The following SIGLEC5 variants were observed in gnomAD, a reference collection of about 807,000 sequenced individuals.
SIGLEC5 encodes the protein sialic acid-binding Ig-like lectin 5.
A neutral mutation model predicts 45.9 loss-of-function variants in SIGLEC5; 34 were observed. The observed-to-expected ratio is 0.74, with a 90% CI of 0.56 to 0.99. SIGLEC5 has a LOEUF of 0.99. Ranked by LOEUF, SIGLEC5 falls within the 50% of genes least tolerant of loss-of-function variation. SIGLEC5 has a pLI of 0.00. For missense variants in SIGLEC5, 508 were observed against 629.6 expected (o/e 0.81, Z 2.07); for synonymous variants, 203 against 258.6 (o/e 0.79, Z 2.06).
chr19:51,622,741 A>C (rs1983338249), intron 8 of SIGLEC5, among the ~76,000 whole-genome samples: 1 of 152,216 alleles, frequency 6.6e-6, no homozygotes, highest in South Asian at 2.1e-4. Context: ...AACACTATAC[A>C]CCATACACAA....
At chr19:51,613,591 C>T (rs928606920) in intron 8 of SIGLEC5, among the ~76,000 whole-genome samples, 6 of 151,966 alleles carry the variant, frequency 3.9e-5, no homozygotes, top group East Asian at 1.9e-4. Context: ...CTCAACTATT[C>T]GCTCATTCTT....
chr19:51,616,110 C>G (rs76153750), intron 8 of SIGLEC5, among the ~76,000 whole-genome samples: 5,095 of 152,254 alleles, frequency 0.033, 115 homozygotes, highest in South Asian at 0.052. Flanking sequence ...AAGCCTGACA[C>G]AGGCCAGCAT....
At chr19:51,624,414 G>A (rs1983401061) in intron 8 of SIGLEC5, among the ~76,000 whole-genome samples, 1 of 152,188 alleles carries the variant, frequency 6.6e-6, no homozygotes, top group Non-Finnish European at 1.5e-5. Flanking sequence ...GTGGATACAA[G>A]TTATCACCAA....
intron 3 of SIGLEC5, 33 bp from the exon 4 acceptor site, chr19:51,629,109 A>G: frequency 1.2e-6 from 2 of 1,610,880 alleles, no homozygotes; most frequent in Non-Finnish European, 1.7e-6. Flanking sequence ...TGGCTTCAGC[A>G]GTGAGGAGTG....
chr19:51,629,242 GTTA>G (rs1477146354), intron 3 of SIGLEC5, 113 bp downstream of exon 3: 41 of 1,555,988 alleles, frequency 2.6e-5, no homozygotes, highest in Non-Finnish European at 3.4e-5. Context: ...GGTTTCTCAA[GTTA>G]TTGTTTTGTT....
chr19:51,613,670 C>CA (rs890749979), intron 8 of SIGLEC5, among the ~76,000 whole-genome samples: 70 of 150,668 alleles, frequency 4.6e-4, no homozygotes, highest in East Asian at 1.9e-3. Context: ...GAATCATCAC[C>CA]AAAAAAAAAC....
chr19:51,624,912 C>T (rs751883384), intron 8 of SIGLEC5, among the ~76,000 whole-genome samples: 1 of 152,014 alleles, frequency 6.6e-6, no homozygotes, highest in Non-Finnish European at 1.5e-5. Flanking sequence ...TGCAGTGAGC[C>T]GAGGTTGCGC....
At chr19:51,617,180 G>A (rs1200009632) in intron 8 of SIGLEC5, among the ~76,000 whole-genome samples, 13 of 150,014 alleles carry the variant, frequency 8.7e-5, no homozygotes, top group South Asian at 4.2e-4. Flanking sequence ...GCGTGAACCC[G>A]GGAGGCGGAG....
intron 8 of SIGLEC5, among the ~76,000 whole-genome samples, chr19:51,620,946 A>G (rs1315417205): frequency 1.3e-5 from 2 of 152,056 alleles, no homozygotes; most frequent in Non-Finnish European, 2.9e-5. Context: ...CAGCCTCCCA[A>G]AGTTCTGGGA....
At chr19:51,625,976 C>G in intron 8 of SIGLEC5, 56 bp downstream of exon 8, 1 of 1,441,404 alleles carries the variant, frequency 6.9e-7, no homozygotes, top group Non-Finnish European at 9.8e-7. Flanking sequence ...TGCTGAAGAG[C>G]TCAGCCTGGA....
At chr19:51,615,461 G>T (rs553649122) in intron 8 of SIGLEC5, among the ~76,000 whole-genome samples, 55 of 152,304 alleles carry the variant, frequency 3.6e-4, no homozygotes, top group African/African-American at 1.3e-3. Context: ...GCAGAATTCA[G>T]AGTATGGACA....
intron 8 of SIGLEC5, among the ~76,000 whole-genome samples, chr19:51,615,546 G>A (rs1276683927): frequency 6.6e-6 from 1 of 152,208 alleles, no homozygotes; most frequent in African/African-American, 2.4e-5. Context: ...AGGAGAAGGA[G>A]AACGGAGGTG....
chr19:51,628,972 T>C, intron 4 of SIGLEC5, 66 bp downstream of exon 4: 2 of 1,459,568 alleles, frequency 1.4e-6, no homozygotes, highest in Non-Finnish European at 1.9e-6. Flanking sequence ...AAGCTCTGAT[T>C]CTCTACCTCT....
At position 51,627,653 on chromosome 19, in the gene SIGLEC5, C is replaced by T. The variant is rs1213107243; in HGVS notation, c.1091G>A (p.Cys364Tyr). The change falls in exon 6 of 9, where the codon TGC becomes TAC. Residue 364 changes from cysteine to tyrosine, a missense_variant. Coordinates refer to ENST00000683636, the MANE Select transcript of SIGLEC5 (RefSeq NM_003830.4). ...CAGCGGCTTCTCCTCAAGCCGCCAGCACAGGGAGGGGGCCGGCCGGGCTCG... is the reference window on the plus strand; with the variant it reads ...CAGCGGCTTCTCCTCAAGCCGCCAGTACAGGGAGGGGGCCGGCCGGGCTCG... ...SFRARPAPSLCWRLEEKPLEG... is the reference protein window; with the variant it reads ...SFRARPAPSLYWRLEEKPLEG... The T allele has an allele frequency of 6.2e-7, 1 of 1,612,074 alleles. No homozygotes were observed. The highest frequency in any genetic ancestry group is 1.1e-5 in the South Asian group (1 of 91,030).
chr19:51,611,256 T>C lies in SIGLEC5; in HGVS notation c.*975A>G, dbSNP rs759649650. Among the ~76,000 whole-genome samples the C allele has an allele frequency of 4.8e-4, 73 of 152,278 alleles. No homozygotes were observed. The highest frequency in any genetic ancestry group is 8.7e-4 in the Non-Finnish European group (59 of 68,014). ...TGGTTTAGCATTTTAAAAAATAAAT[T>C]AGTTCAATTTTAGAGGAGGGAGAGT... is the stretch of plus-strand genomic sequence containing the variant. On this transcript the variant is annotated 3_prime_UTR_variant, in exon 9 of 9. Coordinates refer to ENST00000683636, the MANE Select transcript of SIGLEC5 (RefSeq NM_003830.4).
intron 3 of SIGLEC5, 61 bp from the exon 4 acceptor site, chr19:51,629,137 G>A: frequency 6.3e-7 from 1 of 1,581,786 alleles, no homozygotes; most frequent in Non-Finnish European, 8.7e-7. Flanking sequence ...CATGGGCCCA[G>A]GAGGTACCCA....
chr19:51,621,269 A>G (rs1983271148), intron 8 of SIGLEC5: 1 of 152,214 alleles, frequency 6.6e-6, no homozygotes, highest in Admixed American at 6.5e-5. Context: ...TATAGGAAAG[A>G]AAAAGGAGAA....
At chr19:51,622,737 A>G (rs978896692) in intron 8 of SIGLEC5, among the ~76,000 whole-genome samples, 11 of 152,220 alleles carry the variant, frequency 7.2e-5, no homozygotes, top group African/African-American at 2.7e-4. Context: ...GATCAACACT[A>G]TACACCATAC....
In SIGLEC5 at chr19:51,628,951, T is replaced by C; in HGVS notation, c.739+87A>G. On this transcript the variant is annotated intron_variant, in intron 4 of 8. Transcript: ENST00000683636. ...TTCTCATTCTTGCTCTTCCCAAATC[T>C]GATTGCATTCAAGCTCTGATTCTCT... is the stretch of plus-strand genomic sequence containing the variant. The C allele has an allele frequency of 4.6e-6, 6 of 1,311,310 alleles. No individual in the cohort carries two copies. The South Asian group carries it at 7.6e-5, about 17-fold the overall frequency. 81.2% of individuals were successfully genotyped at this position (1,311,310 alleles called of 1,614,324 possible).
Sources: gnomAD v4.1 joint callset for allele counts (sites outside exome capture counted in the v4.1 genomes callset) on GRCh38, gnomAD v4.1.1 for gene constraint, MANE v1.5 for transcripts, NCBI Gene and HGNC (gene_info 2026-07-23, HGNC 2026-07-21) for gene names.